SAMD10: variants seen among roughly 807,000 people sequenced by gnomAD.
The protein encoded by SAMD10 is sterile alpha motif domain-containing protein 10.
Under a neutral mutation model 22.5 loss-of-function variants are expected in SAMD10, and 16 were observed. The observed-to-expected ratio is 0.71, with a 90% CI of 0.48 to 1.08. SAMD10 has a LOEUF of 1.08. Ranked by LOEUF, SAMD10 falls within the 50% of genes least tolerant of loss-of-function variation. The pLI, the probability that SAMD10 is intolerant of heterozygous loss-of-function variation, is 0.00. For synonymous variants in SAMD10, 118 were observed against 122.2 expected, an observed-to-expected ratio of 0.97 and a Z score of 0.23; for missense variants, 227 against 281.3, an observed-to-expected ratio of 0.81 and a Z score of 1.38.
rs532252890 is a variant in SAMD10 at position 63,975,300 on chromosome 20, C to G, written c.*210G>C. ...AGGAGGTGGGGCCACACTCAAGCAG[C>G]CCCCTACCCACCCAGCCCCAGGGCA... On this transcript the variant is annotated 3_prime_UTR_variant, in exon 5 of 5. Coordinates refer to ENST00000369886, the MANE Select transcript of SAMD10 (RefSeq NM_080621.5). 12 of 581,904 alleles carry G rather than the reference C, an allele frequency of 2.1e-5. No homozygotes were observed. In the South Asian group the frequency reaches 2.1e-4, roughly 10 times the overall value. The allele number at this position is 581,904 out of a possible 1,614,324, so 36.0% of individuals were successfully genotyped here. A position where few individuals can be genotyped will look rare whatever the true frequency, so the allele number is the denominator to read the frequency against.
Position 63,975,448 on chromosome 20 carries a change from C to T in SAMD10, c.*62G>A, listed in dbSNP as rs1256304489. 6.2e-7 allele frequency: 1 copy of T among 1,606,602 alleles called. No individual in the cohort carries two copies. Among genetic ancestry groups the T allele is most frequent in the East Asian group, 2.2e-5 (1 of 44,684 alleles). On this transcript the variant is annotated 3_prime_UTR_variant, in exon 5 of 5. Coordinates refer to ENST00000369886, the MANE Select transcript of SAMD10 (RefSeq NM_080621.5). ...AGAGGCGCTGCGGGGCCAGCTTGGC[C>T]TCCTCCCTAGCCGTGGACTCCCATC...
rs201918023 is a variant in SAMD10 at position 63,977,204 on chromosome 20, G to T, written c.273+21C>A. 105 of 1,612,880 alleles carry T rather than the reference G, an allele frequency of 6.5e-5. No homozygotes were observed. Among genetic ancestry groups the T allele is most frequent in the Non-Finnish European group, 8.5e-5 (100 of 1,179,394 alleles). On this transcript the variant is annotated intron_variant, in intron 2 of 4. Coordinates refer to ENST00000369886, the MANE Select transcript of SAMD10 (RefSeq NM_080621.5). The surrounding 1 kb of genome is among the most constrained non-coding windows in gnomAD (Gnocchi z 5.4). ...GTGGAGAAGGAGGGCAGGGACGGAG[G>T]TGGGTGGAGTGGGTGGGTACCTGGG...
chr20:63,979,260 C>T lies in SAMD10; in HGVS notation c.91+117G>A, dbSNP rs2059046501. ...GACCCCGTTGAGCCGAGACATCCGC[C>T]GAATACCCCCAGCCACCGCCGCTCG... On this transcript the variant is annotated intron_variant, in intron 1 of 4. Coordinates refer to ENST00000369886, the MANE Select transcript of SAMD10 (RefSeq NM_080621.5). This position sits in a 1 kb window ranked among gnomAD's most constrained non-coding sequence, Gnocchi z 7.7. 4 of 695,474 alleles carry T rather than the reference C, an allele frequency of 5.8e-6. No homozygotes were observed. Among genetic ancestry groups the T allele is most frequent in the South Asian group, 4.4e-5 (2 of 45,150 alleles). 43.1% of individuals were successfully genotyped at this position (695,474 alleles called of 1,614,324 possible).
At chr20:63,975,633 C>T (rs1251960591) in intron 4 of SAMD10, 59 bp downstream of exon 4, 23 of 1,574,020 alleles carry the variant, frequency 1.5e-5, no homozygotes, top group South Asian at 5.7e-5. Context: ...GTCATCCCAC[C>T]CCACACTCAG....
intron 4 of SAMD10, 62 bp from the exon 5 acceptor site, chr20:63,975,594 T>C (rs1313756516): frequency 9.5e-6 from 15 of 1,584,390 alleles, no homozygotes; most frequent in Non-Finnish European, 1.3e-5. Context: ...ATTAGGGCGC[T>C]TACTGGGGCC....
intron 4 of SAMD10, 74 bp from the exon 5 acceptor site, chr20:63,975,606 G>A: frequency 1.9e-6 from 3 of 1,580,852 alleles, no homozygotes; most frequent in Admixed American, 3.8e-5. Context: ...ACTGGGGCCT[G>A]CAGCCGACCT....
intron 1 of SAMD10, among the ~76,000 whole-genome samples, chr20:63,979,000 G>A (rs2059043955): frequency 6.6e-6 from 1 of 152,186 alleles, no homozygotes; most frequent in African/African-American, 2.4e-5. Flanking sequence ...CCAACGTCAG[G>A]ATTCCAGAAG....
chr20:63,976,716 C>A (rs1471509515), intron 3 of SAMD10, among the ~76,000 whole-genome samples: 1 of 124,178 alleles, frequency 8.1e-6, no homozygotes, highest in African/African-American at 3.1e-5. Flanking sequence ...GAGCCAAGAT[C>A]GCACCATTTC....
At position 63,975,201 on chromosome 20, in the gene SAMD10, A is replaced by C; in HGVS notation, c.*309T>G. 1 of 465,968 alleles carries C rather than the reference A, an allele frequency of 2.1e-6. No homozygotes were observed. The highest frequency in any genetic ancestry group is 4.2e-5 in the Admixed American group (1 of 23,980). The allele number at this position is 465,968 out of a possible 1,614,324, so 28.9% of individuals were successfully genotyped here. On this transcript the variant is annotated 3_prime_UTR_variant, in exon 5 of 5. Transcript: ENST00000369886. ...CCCTGGGAGTCTAGGGGGGACATCC[A>C]AACCGGTTCTGGCTCCAGGCAGCTG...
In SAMD10 at chr20:63,975,079, C is replaced by T. The variant is rs1366404025; in HGVS notation, c.*431G>A. ...GGGCCAACCTGGAGGTGCTGGGGAA[C>T]GACCTAGAACTGGGCTGGGTGGGTG... On this transcript the variant is annotated 3_prime_UTR_variant, in exon 5 of 5. Coordinates refer to ENST00000369886, the MANE Select transcript of SAMD10 (RefSeq NM_080621.5). 5.3e-5 allele frequency: 11 copies of T among 209,126 alleles called. No individual in the cohort carries two copies. Among genetic ancestry groups the T allele is most frequent in the South Asian group, 3.7e-4 (6 of 16,006 alleles). The allele number at this position is 209,126 out of a possible 1,614,324, so 13.0% of individuals were successfully genotyped here.
Position 63,975,267 on chromosome 20 carries a change from C to T in SAMD10, c.*243G>A. On this transcript the variant is annotated 3_prime_UTR_variant, in exon 5 of 5. Coordinates refer to ENST00000369886, the MANE Select transcript of SAMD10 (RefSeq NM_080621.5). Reference sequence around the variant, plus strand: ...GCTGCACCAGGGGAGGGCTTGGGCTCAGGTCCCAGGAGGTGGGGCCACACT... The same window carrying T: ...GCTGCACCAGGGGAGGGCTTGGGCTTAGGTCCCAGGAGGTGGGGCCACACT... The T allele has an allele frequency of 1.9e-6, 1 of 539,624 alleles. No homozygotes were observed. The highest frequency in any genetic ancestry group is 3.2e-6 in the Non-Finnish European group (1 of 309,736). 33.4% of individuals were successfully genotyped at this position (539,624 alleles called of 1,614,324 possible). A position where few individuals can be genotyped will look rare whatever the true frequency, so the allele number is the denominator to read the frequency against.
At chr20:63,976,788 A>G (rs1370654855) in intron 3 of SAMD10, among the ~76,000 whole-genome samples, 183 bp downstream of exon 3, 59 of 147,168 alleles carry the variant, frequency 4.0e-4, no homozygotes, top group African/African-American at 1.4e-3. Flanking sequence ...AAAAAAAAAA[A>G]AAAGAAAGGC....
Position 63,977,871 on chromosome 20 carries a change from C to T in SAMD10, c.92-465G>A, listed in dbSNP as rs947083986. On this transcript the variant is annotated intron_variant, in intron 1 of 4. Transcript: ENST00000369886. This position sits in a 1 kb window ranked among gnomAD's most constrained non-coding sequence, Gnocchi z 5.4. ...GGGAGGTCGTCTGTGCTGGGGAAACCGGGCTGAGGATGCTGCTTGCCCATC... is the reference window on the plus strand; with the variant it reads ...GGGAGGTCGTCTGTGCTGGGGAAACTGGGCTGAGGATGCTGCTTGCCCATC... Among the ~76,000 whole-genome samples the T allele has an allele frequency of 7.2e-5, 11 of 152,228 alleles. No individual in the cohort carries two copies. The highest frequency in any genetic ancestry group is 2.7e-4 in the African/African-American group (11 of 41,460).
chr20:63,975,239 C>T lies in SAMD10; in HGVS notation c.*271G>A. On this transcript the variant is annotated 3_prime_UTR_variant, in exon 5 of 5. Coordinates refer to ENST00000369886, the MANE Select transcript of SAMD10 (RefSeq NM_080621.5). Reference sequence around the variant, plus strand: ...CTCCAGGCAGCTGCCCCACATGCTGCCAGCTGCACCAGGGGAGGGCTTGGG... The same window carrying T: ...CTCCAGGCAGCTGCCCCACATGCTGTCAGCTGCACCAGGGGAGGGCTTGGG... 1 of 516,012 alleles carries T rather than the reference C, an allele frequency of 1.9e-6. No individual in the cohort carries two copies. The highest frequency in any genetic ancestry group is 3.4e-6 in the Non-Finnish European group (1 of 294,964). 32.0% of individuals were successfully genotyped at this position (516,012 alleles called of 1,614,324 possible). A position where few individuals can be genotyped will look rare whatever the true frequency, so the allele number is the denominator to read the frequency against.
rs747012835 is a variant in SAMD10 at position 63,979,363 on chromosome 20, C to G, written c.91+14G>C. ...GCCCGAGAAATCCCCGCTCCCCAATCCAGCCCCGCTCACCGTCCACATCCC... is the reference window on the plus strand; with the variant it reads ...GCCCGAGAAATCCCCGCTCCCCAATGCAGCCCCGCTCACCGTCCACATCCC... On this transcript the variant is annotated intron_variant, in intron 1 of 4. Transcript: ENST00000369886. This position sits in a 1 kb window ranked among gnomAD's most constrained non-coding sequence, Gnocchi z 7.7. 2 of 1,459,088 alleles carry G rather than the reference C, an allele frequency of 1.4e-6. No homozygotes were observed. Among genetic ancestry groups the G allele is most frequent in the South Asian group, 1.3e-5 (1 of 78,916 alleles). The allele number at this position is 1,459,088 out of a possible 1,614,324, so 90.4% of individuals were successfully genotyped here. A position where few individuals can be genotyped will look rare whatever the true frequency, so the allele number is the denominator to read the frequency against.
rs1190617660 is a variant in SAMD10, at chr20:63,977,379, G to A, written c.119C>T (p.Thr40Ile). ...AGCTGACACCGTGTGCTCCAGGAGG[G>A]TCCGGCAGAAGCTGAAGTGGGCAGT... Reference protein sequence around the residue: ...DATAHFSFCRTLLEHTVSAES... With the variant: ...DATAHFSFCRILLEHTVSAES... The change falls in exon 2 of 5, where the codon ACC becomes ATC. Residue 40 changes from threonine to isoleucine, a missense_variant. Transcript: ENST00000369886. The surrounding 1 kb of genome is among the most constrained non-coding windows in gnomAD (Gnocchi z 5.4). 6.2e-7 allele frequency: 1 copy of A among 1,613,228 alleles called. No homozygotes were observed. Among genetic ancestry groups the A allele is most frequent in the African/African-American group, 1.3e-5 (1 of 75,026 alleles).
intron 4 of SAMD10, 37 bp from the exon 5 acceptor site, chr20:63,975,569 T>C (rs1569205498): frequency 1.3e-6 from 2 of 1,599,174 alleles, no homozygotes; most frequent in East Asian, 4.5e-5. Flanking sequence ...GGGTGGGGTC[T>C]TTGGCATCAT....
In SAMD10 at chr20:63,977,455, C is replaced by T. The variant is rs774616362; in HGVS notation, c.92-49G>A. On this transcript the variant is annotated intron_variant, in intron 1 of 4. Transcript: ENST00000369886. This position sits in a 1 kb window ranked among gnomAD's most constrained non-coding sequence, Gnocchi z 5.4. Reference sequence around the variant, plus strand: ...GGGCAGTCAAGGGCAGAACCAGAGGCTTCCTCTACTTGAGAGCTAGCTCCC... The same window carrying T: ...GGGCAGTCAAGGGCAGAACCAGAGGTTTCCTCTACTTGAGAGCTAGCTCCC... The T allele has an allele frequency of 6.3e-7, 1 of 1,580,020 alleles. No homozygotes were observed. Among genetic ancestry groups the T allele is most frequent in the East Asian group, 2.3e-5 (1 of 44,398 alleles).
intron 1 of SAMD10, chr20:63,978,363 T>C: frequency 8.0e-7 from 1 of 1,254,576 alleles, no homozygotes; most frequent in South Asian, 1.3e-5. Context: ...GAACAGAGCC[T>C]GTGGGGAGAC....
Sources: allele counts gnomAD v4.1 joint callset (sites outside exome capture counted in the v4.1 genomes callset), GRCh38; gene constraint gnomAD v4.1.1; non-coding constraint Gnocchi (gnomAD v3.1); transcripts MANE v1.5; gene names NCBI Gene and HGNC (gene_info 2026-07-23, HGNC 2026-07-21).